The following EPGN variants were observed in gnomAD, a reference collection of about 807,000 sequenced individuals.
EPGN encodes epithelial mitogen, also known as epigen.
EPGN carries 21 observed loss-of-function variants against 20.7 expected under a neutral mutation model. The observed-to-expected ratio is 1.01, with a 90% CI of 0.72 to 1.46. EPGN has a LOEUF of 1.46. Among genes scored for constraint, EPGN ranks in the 40% most tolerant of loss-of-function variants. EPGN has a pLI of 0.00. For missense variants in EPGN, 199 were observed against 180.7 expected, an observed-to-expected ratio of 1.10 and a Z score of -0.58; for synonymous variants, 69 against 63.8, an observed-to-expected ratio of 1.08 and a Z score of -0.39.
Position 74,312,965 on chromosome 4 carries a change from TG to T in EPGN, c.255-52del, listed in dbSNP as rs1578788930. ...TTTAAATTTATTGAAACAGGTTATTTGTATTTCTACCACCGTAGGTTTTAAA... is the reference window on the plus strand; with the variant it reads ...TTTAAATTTATTGAAACAGGTTATTTTATTTCTACCACCGTAGGTTTTAAA... On this transcript the variant is annotated intron_variant, in intron 3 of 4. Coordinates refer to ENST00000413830, the MANE Select transcript of EPGN (RefSeq NM_001270989.2). 3 of 1,367,140 alleles carry T rather than the reference TG, an allele frequency of 2.2e-6. No individual in the cohort carries two copies. In the East Asian group the frequency reaches 7.2e-5, roughly 33 times the overall value. 84.7% of individuals were successfully genotyped at this position (1,367,140 alleles called of 1,614,324 possible).
chr4:74,311,990 A>G (rs541887508), intron 2 of EPGN, among the ~76,000 whole-genome samples, 195 bp from the exon 3 acceptor site: 2 of 152,340 alleles, frequency 1.3e-5, no homozygotes, highest in Admixed American at 6.5e-5. Context: ...CTAATTAATT[A>G]ATAATATGTC....
intron 1 of EPGN, 22 bp downstream of exon 1, chr4:74,308,598 T>C: frequency 6.2e-7 from 1 of 1,603,538 alleles, no homozygotes; most frequent in Non-Finnish European, 8.5e-7. Context: ...CCTTTTGTTT[T>C]GTTAACTTTA....
In EPGN at chr4:74,315,358, T is replaced by G. The variant is rs1751220230; in HGVS notation, c.*721T>G. On this transcript the variant is annotated 3_prime_UTR_variant, in exon 5 of 5. Transcript: ENST00000413830. ...GTCTGGAGTAGGCAAAGCATTTCCA[T>G]TTCTACATGGATTATAAAACTTTGT... The G allele has an allele frequency of 6.6e-6, 1 of 152,238 alleles. No individual in the cohort carries two copies. The highest frequency in any genetic ancestry group is 6.5e-5 in the Admixed American group (1 of 15,278). The allele number at this position is 152,238 out of a possible 1,614,324, so 9.4% of individuals were successfully genotyped here.
At chr4:74,310,243 C>T (rs1195426563) in intron 2 of EPGN, among the ~76,000 whole-genome samples, 2 of 151,954 alleles carry the variant, frequency 1.3e-5, no homozygotes, top group East Asian at 1.9e-4. Context: ...GGGCAGATCA[C>T]CTGAGGTCAG....
intron 2 of EPGN, among the ~76,000 whole-genome samples, chr4:74,311,625 C>T (rs892316908): frequency 2.6e-5 from 4 of 152,072 alleles, no homozygotes; most frequent in Non-Finnish European, 5.9e-5. Context: ...CCCCAAAGGA[C>T]TCAATTAGGC....
At chr4:74,312,710 T>C (rs1751040925) in intron 3 of EPGN, among the ~76,000 whole-genome samples, 1 of 152,178 alleles carries the variant, frequency 6.6e-6, no homozygotes, top group South Asian at 2.1e-4. Context: ...GCAACTAAGA[T>C]ACTATTTTTA....
chr4:74,312,426 T>C, intron 3 of EPGN, 121 bp downstream of exon 3: 1 of 1,140,122 alleles, frequency 8.8e-7, no homozygotes, highest in Non-Finnish European at 1.2e-6. Context: ...AATCTGAACA[T>C]GACTTGACAG....
At chr4:74,309,049 G>A in intron 1 of EPGN, 44 bp from the exon 2 acceptor site, 1 of 1,389,026 alleles carries the variant, frequency 7.2e-7, no homozygotes, top group Admixed American at 1.8e-5. Flanking sequence ...CTTGTACATA[G>A]AAGGAGGCTC....
intron 2 of EPGN, among the ~76,000 whole-genome samples, chr4:74,311,397 TG>T (rs768338059): frequency 6.6e-6 from 1 of 152,168 alleles, no homozygotes; most frequent in Non-Finnish European, 1.5e-5. Flanking sequence ...GTATTTTGTT[TG>T]TAATCTTAAC....
rs1025952476 is a variant in EPGN at position 74,308,673 on chromosome 4, T to C, written c.43+97T>C. 2.4e-5 allele frequency: 24 copies of C among 993,414 alleles called. No individual in the cohort carries two copies. In the African/African-American group the frequency reaches 2.9e-4, roughly 12 times the overall value. 61.5% of individuals were successfully genotyped at this position (993,414 alleles called of 1,614,324 possible). On this transcript the variant is annotated intron_variant, in intron 1 of 4. Coordinates refer to ENST00000413830, the MANE Select transcript of EPGN (RefSeq NM_001270989.2). ...TTAGAGAGAAGTTGGCTTCTAACAG[T>C]TGTTCTTTATGACAAAGATCAGAGT...
In EPGN at chr4:74,316,341, T is replaced by C. The variant is rs1751271595; in HGVS notation, c.*1704T>C. Among the ~76,000 whole-genome samples, 2 of 152,196 alleles carry C rather than the reference T, an allele frequency of 1.3e-5. No homozygotes were observed. Among genetic ancestry groups the C allele is most frequent in the Non-Finnish European group, 2.9e-5 (2 of 68,032 alleles). ...ACAATGGACTCTTTTTTTTTCCATT[T>C]GTGATGTAGATAAGCAAGACAATTT... On this transcript the variant is annotated 3_prime_UTR_variant, in exon 5 of 5. Transcript: ENST00000413830.
Position 74,312,999 on chromosome 4 carries a change from T to A in EPGN, c.255-19T>A, listed in dbSNP as rs776757981. ...ACCACCGTAGGTTTTAAAATTAAAC[T>A]TTTTTTCTTTTTTTAAAGGTGTTTT... On this transcript the variant is annotated intron_variant, in intron 3 of 4. Coordinates refer to ENST00000413830, the MANE Select transcript of EPGN (RefSeq NM_001270989.2). 2 of 1,570,808 alleles carry A rather than the reference T, an allele frequency of 1.3e-6. No individual in the cohort carries two copies. Among genetic ancestry groups the A allele is most frequent in the Non-Finnish European group, 1.7e-6 (2 of 1,166,476 alleles).
At position 74,313,132 on chromosome 4, in the gene EPGN, T is replaced by A; in HGVS notation, c.369T>A (p.Ser123Arg). ...GGATTGGTGTTGGATTACTATTAAGTGGTTTTCTTGTTATTTTTTACTGCT... is the reference window on the plus strand; with the variant it reads ...GGATTGGTGTTGGATTACTATTAAGAGGTTTTCTTGTTATTTTTTACTGCT... ...AIGIGVGLLL[S>R]GFLVIFYCYI... is the part of the protein sequence containing the mutation. The change falls in exon 4 of 5, where the codon AGT (serine) becomes AGA (arginine). Residue 123 changes from serine to arginine, a missense_variant. Ser to Arg is a moderately radical substitution (Grantham distance 110). Transcript: ENST00000413830. 1.9e-6 allele frequency: 3 copies of A among 1,612,172 alleles called. No homozygotes were observed. The highest frequency in any genetic ancestry group is 2.5e-6 in the Non-Finnish European group (3 of 1,179,324).
At chr4:74,313,880 T>G (rs987411887) in intron 4 of EPGN, among the ~76,000 whole-genome samples, 3 of 152,174 alleles carry the variant, frequency 2.0e-5, no homozygotes, top group African/African-American at 7.2e-5. Flanking sequence ...CAAAACTGCC[T>G]GTTCAAAATT....
chr4:74,314,059 G>C, intron 4 of EPGN: 2 of 454,830 alleles, frequency 4.4e-6, no homozygotes, highest in South Asian at 1.6e-5. Context: ...AGATTTCCTA[G>C]AAGCGGAGCC....
intron 4 of EPGN, chr4:74,313,618 T>C (rs908621256): frequency 2.0e-6 from 2 of 999,110 alleles, no homozygotes; most frequent in Non-Finnish European, 1.2e-6. Flanking sequence ...ACATTGGCCA[T>C]TTCTTCCCAG....
rs1751061418 is a variant in EPGN, at chr4:74,313,030, T to A, written c.267T>A (p.Gly89=). The change falls in exon 4 of 5, where the codon GGT becomes GGA. Residue 89 remains glycine (G), a synonymous_variant. Transcript: ENST00000413830. The stretch of plus-strand genomic sequence containing the variant: ...TCTTTTTTTAAAGGTGTTTTACTGG[T>A]TATACTGGAGAAAGGTGTGAGCACT... ...LEKAICRCFT[G]YTGERCEHLT... 5.0e-6 allele frequency: 8 copies of A among 1,608,010 alleles called. No individual in the cohort carries two copies. Among genetic ancestry groups the A allele is most frequent in the Non-Finnish European group, 5.9e-6 (7 of 1,178,706 alleles).
chr4:74,312,454 T>C, intron 3 of EPGN, 149 bp downstream of exon 3: 2 of 802,898 alleles, frequency 2.5e-6, no homozygotes, highest in Non-Finnish European at 3.6e-6. Flanking sequence ...CATATTTGAA[T>C]ATCTAAGGAG....
intron 2 of EPGN, among the ~76,000 whole-genome samples, chr4:74,311,926 G>C (rs1750980191): frequency 6.6e-6 from 1 of 152,066 alleles, no homozygotes; most frequent in African/African-American, 2.4e-5. Context: ...TGCCTTTTCT[G>C]TCTTACTGCA....
Sources: allele counts gnomAD v4.1 joint callset (sites outside exome capture counted in the v4.1 genomes callset), GRCh38; gene constraint gnomAD v4.1.1; transcripts MANE v1.5; gene names NCBI Gene and HGNC (gene_info 2026-07-23, HGNC 2026-07-21).